ACAA2: variants seen among roughly 807,000 people sequenced by gnomAD.
ACAA2 encodes 3-ketoacyl-CoA thiolase, mitochondrial.
A neutral mutation model predicts 44.8 loss-of-function variants in ACAA2; 35 were observed. That is an observed-to-expected ratio of 0.78 (90% CI 0.60 to 1.04). The LOEUF is 1.04. ACAA2 is among the 50% of genes least tolerant of loss of function. ACAA2 has a pLI of 0.00. For missense variants in ACAA2, 468 were observed against 482.6 expected, an observed-to-expected ratio of 0.97 and a Z score of 0.28; for synonymous variants, 142 against 166.5, an observed-to-expected ratio of 0.85 and a Z score of 1.13.
rs181119679 is a variant in ACAA2, at chr18:49,808,944, C to T, written c.16+4525G>A. The stretch of plus-strand genomic sequence containing the variant: ...CCCCACCCTAATAAGCCTGAGGGTA[C>T]TGCAGGAGACCAGGGGGTATTTCAG... On this transcript the variant is annotated intron_variant, in intron 1 of 9. Coordinates refer to ENST00000285093, the MANE Select transcript of ACAA2 (RefSeq NM_006111.3). Among the ~76,000 whole-genome samples, 174 of 152,234 alleles carry T rather than the reference C, an allele frequency of 1.1e-3. 2 individuals are homozygous for T. Among genetic ancestry groups the T allele is most frequent in the Admixed American group, 7.4e-3 (113 of 15,298 alleles).
At chr18:49,802,603 A>G (rs1055090781) in intron 2 of ACAA2, 84 bp downstream of exon 2, 8 of 1,212,516 alleles carry the variant, frequency 6.6e-6, no homozygotes, top group Non-Finnish European at 6.8e-6. Context: ...TAACTTGTTT[A>G]CCATTATGAT....
intron 4 of ACAA2, among the ~76,000 whole-genome samples, chr18:49,794,816 C>T (rs777543331): frequency 2.0e-5 from 3 of 152,212 alleles, no homozygotes; most frequent in Non-Finnish European, 4.4e-5. Flanking sequence ...TAAACCAGCC[C>T]TGAGCTCTGT....
intron 8 of ACAA2, chr18:49,786,204 C>G (rs1243943361): frequency 6.6e-6 from 1 of 152,146 alleles, no homozygotes; most frequent in Non-Finnish European, 1.5e-5. Flanking sequence ...CCACCATTAT[C>G]TTTCTACTCT....
intron 7 of ACAA2, 39 bp from the exon 8 acceptor site, chr18:49,787,400 T>A: frequency 7.9e-7 from 1 of 1,271,630 alleles, no homozygotes; most frequent in Non-Finnish European, 1.0e-6. Flanking sequence ...AATATAGAAA[T>A]AAATGTCATC....
chr18:49,787,478 G>T, intron 7 of ACAA2, 117 bp from the exon 8 acceptor site: 1 of 730,688 alleles, frequency 1.4e-6, no homozygotes, highest in Non-Finnish European at 2.0e-6. Flanking sequence ...GTTATTAGTA[G>T]CCACAAATCT....
Position 49,792,345 on chromosome 18 carries a change from G to A in ACAA2, c.578-18C>T, listed in dbSNP as rs757044920. On this transcript the variant is annotated intron_variant, in intron 5 of 9. Coordinates refer to ENST00000285093, the MANE Select transcript of ACAA2 (RefSeq NM_006111.3). ...ATCATTAGCTGAAAAATAGTAGAGA[G>A]ACTATCATAAGAATAAAAGAGAGAA... 1 of 1,586,544 alleles carries A rather than the reference G, an allele frequency of 6.3e-7. No homozygotes were observed. The highest frequency in any genetic ancestry group is 8.6e-7 in the Non-Finnish European group (1 of 1,159,292).
At chr18:49,792,992 C>T (rs1336627752) in intron 5 of ACAA2, among the ~76,000 whole-genome samples, 2 of 151,626 alleles carry the variant, frequency 1.3e-5, no homozygotes, top group African/African-American at 4.8e-5. Flanking sequence ...TTTTTTTCAC[C>T]AGGTACTGCT....
chr18:49,798,293 G>C (rs2023488254), intron 2 of ACAA2, among the ~76,000 whole-genome samples: 1 of 152,198 alleles, frequency 6.6e-6, no homozygotes, highest in Non-Finnish European at 1.5e-5. Context: ...AGGAGAGTAA[G>C]AGGTAGGAGT....
chr18:49,806,376 A>C (rs2023610400), intron 1 of ACAA2, among the ~76,000 whole-genome samples: 1 of 152,156 alleles, frequency 6.6e-6, no homozygotes, highest in South Asian at 2.1e-4. Flanking sequence ...TGTAGGTCAG[A>C]CCACAAGCAC....
intron 8 of ACAA2, among the ~76,000 whole-genome samples, chr18:49,786,880 C>G (rs2023336468): frequency 6.6e-6 from 1 of 152,140 alleles, no homozygotes; most frequent in South Asian, 2.1e-4. Context: ...GGAGGGGGCT[C>G]TATCTGGCGA....
chr18:49,792,022 G>A, intron 6 of ACAA2, 130 bp downstream of exon 6: 1 of 592,116 alleles, frequency 1.7e-6, no homozygotes, highest in Non-Finnish European at 2.8e-6. Context: ...TAAATTAATT[G>A]AATATGAACA....
Position 49,802,695 on chromosome 18 carries a change from C to G in ACAA2, c.175G>C (p.Val59Leu). Residue 59 changes from valine to leucine, a missense_variant, in exon 2 of 10, where the codon GTC becomes CTC. Coordinates refer to ENST00000285093, the MANE Select transcript of ACAA2 (RefSeq NM_006111.3). Reference sequence around the variant, plus strand: ...TCCTTTACTCTACTAACCTGCAGGACATTGCCCATAATCACACTGTCAACT... The same window carrying G: ...TCCTTTACTCTACTAACCTGCAGGAGATTGCCCATAATCACACTGTCAACT... ...ETVDSVIMGN[V>L]LQSSSDAIYL... 6.2e-7 allele frequency: 1 copy of G among 1,613,680 alleles called. No homozygotes were observed. Among genetic ancestry groups the G allele is most frequent in the Non-Finnish European group, 8.5e-7 (1 of 1,179,878 alleles).
intron 2 of ACAA2, among the ~76,000 whole-genome samples, chr18:49,799,880 G>T: frequency 9.0e-6 from 1 of 111,556 alleles, no homozygotes; most frequent in African/African-American, 3.5e-5. Context: ...ACCCCATCTG[G>T]GAGGTGAGGA....
At chr18:49,786,374 G>A (rs922281718) in intron 8 of ACAA2, 1 of 152,194 alleles carries the variant, frequency 6.6e-6, no homozygotes, top group Non-Finnish European at 1.5e-5. Context: ...TAGTTTAATA[G>A]TTTTAAATGT....
Position 49,794,412 on chromosome 18 carries a change from A to C in ACAA2, c.445T>G (p.Trp149Gly), listed in dbSNP as rs371834662. 1.8e-5 allele frequency: 29 copies of C among 1,588,818 alleles called. No homozygotes were observed. In the African/African-American group the frequency reaches 3.0e-4, roughly 16 times the overall value. ...GSDIKLEDSL[W>G]VSLTDQHVQL... is the part of the protein sequence containing the mutation. The stretch of plus-strand genomic sequence containing the variant: ...ACATGCTGATCTGTTAATGATACCC[A>C]TAAAGAATCTTCCAGCTATTAAAAG... Residue 149 changes from tryptophan to glycine, a missense_variant, in exon 5 of 10, where the codon TGG becomes GGG. Transcript: ENST00000285093.
intron 7 of ACAA2, among the ~76,000 whole-genome samples, chr18:49,789,384 G>A (rs2023371803): frequency 6.6e-6 from 1 of 152,120 alleles, no homozygotes; most frequent in Non-Finnish European, 1.5e-5. Context: ...ATATACAAGT[G>A]ACAGCCAAAC....
intron 9 of ACAA2, among the ~76,000 whole-genome samples, chr18:49,784,355 C>T (rs1354803245): frequency 1.3e-5 from 2 of 152,098 alleles, no homozygotes; most frequent in Non-Finnish European, 1.5e-5. Flanking sequence ...AGTGTGAGAG[C>T]CTCATGGCAC....
At chr18:49,787,626 C>T (rs940836306) in intron 7 of ACAA2, among the ~76,000 whole-genome samples, 2 of 151,696 alleles carry the variant, frequency 1.3e-5, no homozygotes, top group Non-Finnish European at 2.9e-5. Context: ...CTGGGCAACA[C>T]AGCAAGACCC....
At chr18:49,790,754 C>G (rs1390739930) in intron 7 of ACAA2, among the ~76,000 whole-genome samples, 1 of 152,162 alleles carries the variant, frequency 6.6e-6, no homozygotes, top group Non-Finnish European at 1.5e-5. Context: ...TATTTTAAGC[C>G]AAGACTATAC....
Sources: gnomAD v4.1 joint callset for allele counts (sites outside exome capture counted in the v4.1 genomes callset) on GRCh38, gnomAD v4.1.1 for gene constraint, MANE v1.5 for transcripts, NCBI Gene and HGNC (gene_info 2026-07-23, HGNC 2026-07-21) for gene names.